The following FCHSD2 variants were observed in gnomAD, a reference collection of about 807,000 sequenced individuals.
The protein encoded by FCHSD2 is F-BAR and double SH3 domains protein 2.
A neutral mutation model predicts 108.1 loss-of-function variants in FCHSD2; 38 were observed. The observed-to-expected ratio is 0.35, with a 90% CI of 0.27 to 0.46. FCHSD2 has a LOEUF of 0.46. Ranked by LOEUF, FCHSD2 falls within the 20% of genes least tolerant of loss-of-function variation. The pLI is 1.00. For synonymous variants in FCHSD2, 279 were observed against 314.7 expected, an observed-to-expected ratio of 0.89 and a Z score of 1.20; for missense variants, 751 against 897.8, an observed-to-expected ratio of 0.84 and a Z score of 2.09.
At chr11:73,113,597 G>C (rs1336644211) in intron 2 of FCHSD2, among the ~76,000 whole-genome samples, 1 of 152,026 alleles carries the variant, frequency 6.6e-6, no homozygotes, top group African/African-American at 2.4e-5. Context: ...CTTGATGCTT[G>C]TGGATATTTG....
intron 9 of FCHSD2, among the ~76,000 whole-genome samples, chr11:72,907,032 C>T (rs769904863): frequency 4.0e-5 from 6 of 151,528 alleles, no homozygotes; most frequent in African/African-American, 7.3e-5. Flanking sequence ...CATTTGTTTG[C>T]GTCCTCTTTT....
chr11:73,128,229 C>A (rs1451338911), intron 2 of FCHSD2, among the ~76,000 whole-genome samples: 1 of 152,120 alleles, frequency 6.6e-6, no homozygotes, highest in Non-Finnish European at 1.5e-5. Context: ...AATTACCAGT[C>A]AGCTTGGGAC....
At chr11:73,135,768 T>A (rs903239669) in intron 2 of FCHSD2, among the ~76,000 whole-genome samples, 1 of 152,140 alleles carries the variant, frequency 6.6e-6, no homozygotes, top group Non-Finnish European at 1.5e-5. Context: ...CAAATGCCAT[T>A]CGCAGAACAA....
chr11:72,983,305 A>AAT (rs1565353472), intron 8 of FCHSD2, among the ~76,000 whole-genome samples: 1 of 151,326 alleles, frequency 6.6e-6, no homozygotes, highest in Non-Finnish European at 1.5e-5. Flanking sequence ...AAAAAAAAAA[A>AAT]AAATAAATAA....
intron 4 of FCHSD2, among the ~76,000 whole-genome samples, chr11:73,011,659 C>T (rs562105186): frequency 5.3e-5 from 8 of 152,268 alleles, no homozygotes; most frequent in African/African-American, 1.9e-4. Flanking sequence ...CACACAATCT[C>T]CTGGCAGCTC....
Position 72,984,179 on chromosome 11 carries a change from G to A in FCHSD2, c.614C>T (p.Thr205Ile). ...AAGAAGATAATCATTCCTTGCGTGG[G>A]TAGCTTTGGAATTACACTCAGATCG... Reference protein sequence around the residue: ...ARRSECNSKATHARNDYLLTL... With the variant: ...ARRSECNSKAIHARNDYLLTL... Residue 205 changes from threonine to isoleucine, a missense_variant, in exon 8 of 20, where the codon ACC (threonine) becomes ATC (isoleucine). Physicochemically the swap from Thr to Ile is moderately conservative, Grantham distance 89 (BLOSUM62 -1). Transcript: ENST00000409418. 1 of 1,613,578 alleles carries A rather than the reference G, an allele frequency of 6.2e-7. No individual in the cohort carries two copies. The highest frequency in any genetic ancestry group is 1.1e-5 in the South Asian group (1 of 91,080).
At chr11:73,075,345 A>G (rs1859524613) in intron 3 of FCHSD2, among the ~76,000 whole-genome samples, 1 of 152,230 alleles carries the variant, frequency 6.6e-6, no homozygotes, top group African/African-American at 2.4e-5. Context: ...ACCAAAAGAT[A>G]CATATAAGAA....
At chr11:72,847,988 G>A (rs575992720) in intron 14 of FCHSD2, among the ~76,000 whole-genome samples, 5 of 152,096 alleles carry the variant, frequency 3.3e-5, no homozygotes, top group Non-Finnish European at 5.9e-5. Flanking sequence ...CACCATTCCC[G>A]GCCAACTCTA....
intron 12 of FCHSD2, among the ~76,000 whole-genome samples, chr11:72,881,572 AG>A (rs1454093670): frequency 2.0e-5 from 3 of 152,246 alleles, no homozygotes; most frequent in African/African-American, 7.2e-5. Flanking sequence ...AGTGTATCAA[AG>A]TCATACCTTC....
chr11:72,865,268 C>G (rs1053147396), intron 13 of FCHSD2, among the ~76,000 whole-genome samples: 1 of 152,190 alleles, frequency 6.6e-6, no homozygotes, highest in East Asian at 1.9e-4. Context: ...ATACAACCCC[C>G]TCTAAATAAT....
intron 8 of FCHSD2, among the ~76,000 whole-genome samples, chr11:72,973,508 G>A (rs1165202328): frequency 1.3e-5 from 2 of 152,218 alleles, no homozygotes; most frequent in Non-Finnish European, 2.9e-5. Flanking sequence ...ACAATGTTGA[G>A]TGAGAAAAAT....
intron 3 of FCHSD2, among the ~76,000 whole-genome samples, chr11:73,068,736 G>A (rs562940411): frequency 2.9e-4 from 43 of 146,804 alleles, no homozygotes; most frequent in African/African-American, 1.1e-3. Context: ...TTGGGAGGCC[G>A]AGGCAAGAGG....
chr11:72,904,104 T>G (rs1022950447), intron 9 of FCHSD2, among the ~76,000 whole-genome samples: 1 of 152,200 alleles, frequency 6.6e-6, no homozygotes, highest in African/African-American at 2.4e-5. Flanking sequence ...AGGTGATATT[T>G]AATCCAGGCC....
chr11:72,851,685 G>C (rs534844100), intron 13 of FCHSD2, among the ~76,000 whole-genome samples: 1 of 152,290 alleles, frequency 6.6e-6, no homozygotes, highest in East Asian at 1.9e-4. Flanking sequence ...AGAGGTTGCA[G>C]TGAGCCGAGA....
intron 5 of FCHSD2, among the ~76,000 whole-genome samples, chr11:72,990,862 A>C (rs575648714): frequency 3.9e-5 from 6 of 152,238 alleles, no homozygotes; most frequent in African/African-American, 4.8e-5. Context: ...TAAGACCAGA[A>C]CAGAACTGAA....
intron 3 of FCHSD2, among the ~76,000 whole-genome samples, chr11:73,029,090 C>G (rs367695555): frequency 6.6e-6 from 1 of 152,086 alleles, no homozygotes; most frequent in East Asian, 1.9e-4. Context: ...GAAAGGGCAC[C>G]ATAAATATAA....
At chr11:72,923,901 T>C (rs1856023810) in intron 8 of FCHSD2, among the ~76,000 whole-genome samples, 2 of 152,198 alleles carry the variant, frequency 1.3e-5, no homozygotes, top group African/African-American at 4.8e-5. Context: ...TTTGTGCTAT[T>C]GAAATACAGC....
At chr11:73,125,718 A>C (rs892680872) in intron 2 of FCHSD2, among the ~76,000 whole-genome samples, 3 of 152,110 alleles carry the variant, frequency 2.0e-5, no homozygotes, top group Admixed American at 6.5e-5. Context: ...AAAAAAACAC[A>C]ATGTCATATC....
At chr11:72,943,428 G>A (rs779679369) in intron 8 of FCHSD2, among the ~76,000 whole-genome samples, 2 of 152,182 alleles carry the variant, frequency 1.3e-5, no homozygotes, top group African/African-American at 2.4e-5. Context: ...AGTAGGAAAG[G>A]ATTAGTGAGA....
Sources: allele counts gnomAD v4.1 joint callset (sites outside exome capture counted in the v4.1 genomes callset), GRCh38; gene constraint gnomAD v4.1.1; transcripts MANE v1.5; gene names NCBI Gene and HGNC (gene_info 2026-07-23, HGNC 2026-07-21).